PCDHA1: variants seen among roughly 807,000 people sequenced by gnomAD.
PCDHA1 encodes protocadherin alpha-1.
PCDHA1 carries 42 observed loss-of-function variants against 61.3 expected under a neutral mutation model. The observed-to-expected ratio is 0.69, with a 90% CI of 0.54 to 0.89. PCDHA1 has a LOEUF of 0.89. PCDHA1 is among the 40% of genes least tolerant of loss of function. The probability of loss-of-function intolerance (pLI) is 0.00; values close to 1 mark genes in which losing one functional copy is unlikely to be tolerated. For synonymous variants in PCDHA1, 610 were observed against 553.8 expected, an observed-to-expected ratio of 1.10 and a Z score of -1.43; for missense variants, 1,256 against 1,235.3, an observed-to-expected ratio of 1.02 and a Z score of -0.25.
At chr5:140,835,628 C>T (rs2150239805) in intron 1 of PCDHA1, 1 of 1,613,890 alleles carries the variant, frequency 6.2e-7, no homozygotes, top group Admixed American at 1.7e-5. Context: ...CTCTGGACCG[C>T]GAGAGTGTGT....
chr5:140,857,254 TTAC>T, intron 1 of PCDHA1: 1 of 1,598,512 alleles, frequency 6.3e-7, no homozygotes, highest in Non-Finnish European at 8.6e-7. Flanking sequence ...CCTACAAGAA[TTAC>T]TACTCATTGG....
intron 1 of PCDHA1, among the ~76,000 whole-genome samples, chr5:140,902,253 G>T (rs1170626795): frequency 1.4e-5 from 2 of 144,500 alleles, no homozygotes; most frequent in Non-Finnish European, 3.0e-5. Flanking sequence ...GCCCAGGCTG[G>T]TCTCGAACTC....
chr5:140,861,728 A>G (rs2047042358), intron 1 of PCDHA1: 1 of 191,386 alleles, frequency 5.2e-6, no homozygotes, highest in Non-Finnish European at 1.1e-5. Context: ...TGCTCTGATG[A>G]CTTACATACT....
At chr5:140,807,579 C>T (rs1355762346) in intron 1 of PCDHA1, 4 of 1,614,044 alleles carry the variant, frequency 2.5e-6, no homozygotes, top group African/African-American at 1.3e-5. Context: ...GATAACCCGC[C>T]GGTGTTCCCA....
At position 140,992,285 on chromosome 5, in the gene PCDHA1, A is replaced by G. The variant is rs114469876; in HGVS notation, c.2542+9722A>G. On this transcript the variant is annotated intron_variant, in intron 3 of 3. Transcript: ENST00000504120. ...AGTTCTTTTCGTAGCACATCCCTGCAAAGGATGGGAGTATTGTTTTGGTGG... is the reference window on the plus strand; with the variant it reads ...AGTTCTTTTCGTAGCACATCCCTGCGAAGGATGGGAGTATTGTTTTGGTGG... 2.6e-3 allele frequency among the ~76,000 whole-genome samples: 395 copies of G among 152,336 alleles called. 1 individual carries two copies. The highest frequency in any genetic ancestry group is 8.7e-3 in the African/African-American group (360 of 41,578).
chr5:140,880,407 C>T (rs1198132829), intron 1 of PCDHA1, among the ~76,000 whole-genome samples: 1 of 152,128 alleles, frequency 6.6e-6, no homozygotes, highest in Non-Finnish European at 1.5e-5. Context: ...ATATGGTTGA[C>T]CTTAAAAGCG....
chr5:140,801,967 A>T, intron 1 of PCDHA1: 1 of 1,614,182 alleles, frequency 6.2e-7, no homozygotes, highest in South Asian at 1.1e-5. Flanking sequence ...AATGCACCAA[A>T]TGGTACCCTA....
rs2150126846 is a variant in PCDHA1, at chr5:140,823,554, G to A, written c.2394+34870G>A. The stretch of plus-strand genomic sequence containing the variant: ...GTGCGGGCCACGTGGTGGCGAAGGT[G>A]CGCGCAGTGGACCCTGATTCGGGCT... On this transcript the variant is annotated intron_variant, in intron 1 of 3. Coordinates refer to ENST00000504120, the MANE Select transcript of PCDHA1 (RefSeq NM_018900.4). 17,400 of 1,613,832 alleles carry A rather than the reference G, an allele frequency of 0.011. 1,609 individuals are homozygous for A. The African/African-American group carries it at 0.2, about 19-fold the overall frequency.
At chr5:140,823,479 A>C in intron 1 of PCDHA1, 1 of 1,613,314 alleles carries the variant, frequency 6.2e-7, no homozygotes, top group African/African-American at 1.3e-5. Flanking sequence ...TGGTGCCTCG[A>C]GTGGGTGGCA....
Position 140,786,556 on chromosome 5 carries a change from G to A in PCDHA1, c.266G>A (p.Arg89Gln). Residue 89 changes from arginine to glutamine, a missense_variant, in exon 1 of 4, where the codon CGG (arginine) becomes CAG (glutamine). By Grantham distance (43) the Arg-to-Gln change is conservative. Transcript: ENST00000504120. ...AATGGCATTTTGTTTGTGAATTCTC[G>A]GATCGATCGCGAGGAGCTGTGCCAG... ...LQNGILFVNS[R>Q]IDREELCQWS... The A allele has an allele frequency of 1.2e-6, 2 of 1,614,224 alleles. No homozygotes were observed. The highest frequency in any genetic ancestry group is 2.2e-5 in the South Asian group (2 of 91,084).
At chr5:140,834,356 G>T (rs2150215618) in intron 1 of PCDHA1, 43 of 1,542,626 alleles carry the variant, frequency 2.8e-5, no homozygotes, top group Non-Finnish European at 3.7e-5. Flanking sequence ...AAGTTTTGCT[G>T]ACTAGAAAAA....
At chr5:140,929,298 A>T in intron 1 of PCDHA1, 1 of 1,591,722 alleles carries the variant, frequency 6.3e-7, no homozygotes, top group South Asian at 1.1e-5. Context: ...GGAATAGGAA[A>T]GGGGATCACG....
intron 1 of PCDHA1, chr5:140,875,529 G>A: frequency 1.2e-6 from 2 of 1,614,112 alleles, no homozygotes; most frequent in South Asian, 1.1e-5. Context: ...TCTCGCTTCT[G>A]CTCCTTGCAG....
chr5:140,850,319 A>C (rs2150479368), intron 1 of PCDHA1: 1 of 1,597,562 alleles, frequency 6.3e-7, no homozygotes, highest in East Asian at 2.2e-5. Flanking sequence ...CGTGGCTTTC[A>C]TACGAGCTGC....
intron 1 of PCDHA1, chr5:140,835,530 G>A (rs140697336): frequency 4.3e-6 from 7 of 1,613,820 alleles, no homozygotes; most frequent in Admixed American, 1.7e-5. Flanking sequence ...TGGAGTCAAC[G>A]GACAGGTTAC....
At chr5:140,829,882 T>G (rs2150176879) in intron 1 of PCDHA1, 871,135 of 1,613,724 alleles carry the variant, frequency 0.54, 237,229 homozygotes, top group African/African-American at 0.72. Flanking sequence ...TGCGCGCAGT[T>G]GACGCCGACT....
At chr5:140,950,751 T>G (rs1051693960) in intron 1 of PCDHA1, among the ~76,000 whole-genome samples, 3 of 152,154 alleles carry the variant, frequency 2.0e-5, no homozygotes, top group African/African-American at 7.2e-5. Flanking sequence ...CTCTCTATCC[T>G]TTCTGGACTC....
intron 2 of PCDHA1, among the ~76,000 whole-genome samples, chr5:140,979,725 G>A (rs2096861699): frequency 6.6e-6 from 1 of 152,136 alleles, no homozygotes; most frequent in South Asian, 2.1e-4. Context: ...CCATGCCATG[G>A]GGCCAAATAA....
intron 1 of PCDHA1, among the ~76,000 whole-genome samples, chr5:140,976,377 C>T (rs1472568038): frequency 2.0e-5 from 3 of 151,896 alleles, no homozygotes; most frequent in Admixed American, 6.6e-5. Flanking sequence ...ATGGTGAAAC[C>T]CCATCTCTAC....
Sources: gnomAD v4.1 joint callset for allele counts (sites outside exome capture counted in the v4.1 genomes callset) on GRCh38, gnomAD v4.1.1 for gene constraint, MANE v1.5 for transcripts, NCBI Gene and HGNC (gene_info 2026-07-23, HGNC 2026-07-21) for gene names.